Variants in KCNK9 observed in about 807,000 individuals in gnomAD.
The protein encoded by KCNK9 is potassium two pore domain channel subfamily K member 9.
In KCNK9, 1 loss-of-function variant was observed where a neutral mutation model predicts 10.8. That is an observed-to-expected ratio of 0.09 (90% CI 0.03 to 0.44). The LOEUF is 0.44. Ranked by LOEUF, KCNK9 falls within the 20% of genes least tolerant of loss-of-function variation. KCNK9 has a pLI of 0.97. For missense variants in KCNK9, 303 were observed against 515.0 expected (o/e 0.59, Z 3.98); for synonymous variants, 231 against 222.7 (o/e 1.04, Z -0.33).
intron 1 of KCNK9, among the ~76,000 whole-genome samples, chr8:139,697,746 G>A (rs1035661531): frequency 5.3e-5 from 8 of 152,070 alleles, no homozygotes; most frequent in South Asian, 2.1e-4. Context: ...GGGTGTCTCC[G>A]CATTCCGAGG....
At chr8:139,666,205 C>T (rs557060444) in intron 1 of KCNK9, among the ~76,000 whole-genome samples, 16 of 152,300 alleles carry the variant, frequency 1.1e-4, no homozygotes, top group Admixed American at 8.5e-4. Flanking sequence ...CAAAGCCTGG[C>T]TTTCCAGTGC....
chr8:139,649,976 A>G (rs1238282194), intron 1 of KCNK9, among the ~76,000 whole-genome samples: 2 of 152,212 alleles, frequency 1.3e-5, no homozygotes, highest in African/African-American at 4.8e-5. Flanking sequence ...CTTCTGTGTC[A>G]TCTCCCTGAA....
chr8:139,619,143 G>T, intron 1 of KCNK9, 44 bp from the exon 2 acceptor site: 1 of 1,609,886 alleles, frequency 6.2e-7, no homozygotes, highest in Non-Finnish European at 8.5e-7. Flanking sequence ...AAGTGAGGAG[G>T]GGTCTAGAGG....
intron 1 of KCNK9, among the ~76,000 whole-genome samples, chr8:139,692,122 A>G (rs1236936458): frequency 3.3e-5 from 5 of 152,188 alleles, no homozygotes; most frequent in African/African-American, 1.2e-4. Context: ...CCAAGCTAAG[A>G]TGACTGAGCA....
Position 139,604,832 on chromosome 8 carries a change from G to A in KCNK9, c.*1-3231C>T, listed in dbSNP as rs983865714. On this transcript the variant is annotated intron_variant, in intron 2 of 2. Transcript: ENST00000650269. ...CAGGGAAAGAGGAGGCATGGCCTCC[G>A]AGAAAGACAGAAAACAGCCTGGCTT... Among the ~76,000 whole-genome samples, 10 of 152,186 alleles carry A rather than the reference G, an allele frequency of 6.6e-5. No homozygotes were observed. In the East Asian group the frequency reaches 1.5e-3, roughly 23 times the overall value.
At chr8:139,633,118 T>C (rs1815226743) in intron 1 of KCNK9, among the ~76,000 whole-genome samples, 1 of 151,636 alleles carries the variant, frequency 6.6e-6, no homozygotes, top group South Asian at 2.1e-4. Flanking sequence ...TAGACACAGG[T>C]ACATACACAC....
intron 1 of KCNK9, among the ~76,000 whole-genome samples, chr8:139,671,894 C>T (rs555817110): frequency 6.6e-6 from 1 of 152,216 alleles, no homozygotes; most frequent in Non-Finnish European, 1.5e-5. Flanking sequence ...ATTCAAGGCT[C>T]CCCTGAGCGT....
chr8:139,689,156 T>C (rs945057531), intron 1 of KCNK9, among the ~76,000 whole-genome samples: 3 of 152,194 alleles, frequency 2.0e-5, no homozygotes, highest in Non-Finnish European at 2.9e-5. Flanking sequence ...ATCAACCTGC[T>C]GACACCTTGA....
chr8:139,687,413 TATATGTGTATACATATATATTC>T (rs1816820972), intron 1 of KCNK9, among the ~76,000 whole-genome samples: 1 of 140,996 alleles, frequency 7.1e-6, no homozygotes, highest in Admixed American at 7.1e-5. Context: ...TATATATTCA[TATATGTGTATACATATATATTC>T]ATATATATGT....
At position 139,619,181 on chromosome 8, in the gene KCNK9, C is replaced by T; in HGVS notation, c.284-82G>A. The stretch of plus-strand genomic sequence containing the variant: ...GGGGGAAGGGAGGGTCGACTTGGTG[C>T]AGTGCAGTGCAATGCAGAGGGACCT... On this transcript the variant is annotated intron_variant, in intron 1 of 1. Transcript: ENST00000520439. 2.0e-6 allele frequency: 3 copies of T among 1,490,782 alleles called. 1 individual carries two copies. In the South Asian group the frequency reaches 3.5e-5, roughly 17 times the overall value. The allele number at this position is 1,490,782 out of a possible 1,614,324, so 92.3% of individuals were successfully genotyped here.
intron 1 of KCNK9, among the ~76,000 whole-genome samples, chr8:139,656,739 G>C (rs1292066152): frequency 1.3e-5 from 2 of 152,182 alleles, no homozygotes; most frequent in Non-Finnish European, 2.9e-5. Flanking sequence ...GTTTCTCCTA[G>C]TTTCCATGCA....
chr8:139,699,047 T>C (rs1471783511), intron 1 of KCNK9, among the ~76,000 whole-genome samples: 2 of 152,168 alleles, frequency 1.3e-5, no homozygotes, highest in African/African-American at 4.8e-5. Context: ...TCCTGCAAAC[T>C]GTAGCAAGAA....
chr8:139,670,075 T>A (rs1816392695), intron 1 of KCNK9, among the ~76,000 whole-genome samples: 1 of 152,242 alleles, frequency 6.6e-6, no homozygotes, highest in Non-Finnish European at 1.5e-5. Context: ...TAAGCCATGA[T>A]GTAAACAGGC....
chr8:139,641,634 C>G (rs1004802523), intron 1 of KCNK9, among the ~76,000 whole-genome samples: 10 of 55,238 alleles, frequency 1.8e-4, no homozygotes, highest in African/African-American at 4.4e-4. Flanking sequence ...TGGCCTGCCC[C>G]CCCCCCGCAC....
intron 1 of KCNK9, among the ~76,000 whole-genome samples, chr8:139,662,224 A>G (rs1417183231): frequency 6.6e-6 from 1 of 152,152 alleles, no homozygotes; most frequent in African/African-American, 2.4e-5. Flanking sequence ...CAGAGATGGC[A>G]GGAGCAGGCT....
intron 1 of KCNK9, among the ~76,000 whole-genome samples, chr8:139,685,092 T>C (rs1816761922): frequency 7.4e-6 from 1 of 135,090 alleles, no homozygotes. Context: ...TAGGTTTGTG[T>C]AGAACTTTAT....
In KCNK9 at chr8:139,621,882, T is replaced by C. The variant is rs556523456; in HGVS notation, c.284-2783A>G. On this transcript the variant is annotated intron_variant, in intron 1 of 1. Coordinates refer to ENST00000520439, the MANE Select transcript of KCNK9 (RefSeq NM_001282534.2). ...ACAGGAGGTTGTTGGAAACTTCTTA[T>C]TAAGTGGTAATGTTCCACATGTGAT... 8.6e-5 allele frequency among the ~76,000 whole-genome samples: 13 copies of C among 151,652 alleles called. No individual in the cohort carries two copies. The East Asian group carries it at 2.3e-3, about 27-fold the overall frequency.
rs552506326 is a variant in KCNK9 at position 139,651,740 on chromosome 8, T to G, written c.284-32641A>C. ...TTAAAATAAATATTTGTTGAAATTC[T>G]CATGTGTTGGAGAATAGGAGGAATC... On this transcript the variant is annotated intron_variant, in intron 1 of 1. Transcript: ENST00000520439. Among the ~76,000 whole-genome samples, 12 of 152,326 alleles carry G rather than the reference T, an allele frequency of 7.9e-5. No homozygotes were observed. In the East Asian group the frequency reaches 2.1e-3, roughly 27 times the overall value.
intron 1 of KCNK9, among the ~76,000 whole-genome samples, chr8:139,631,133 C>T (rs954476184): frequency 2.0e-5 from 3 of 152,260 alleles, no homozygotes; most frequent in African/African-American, 7.2e-5. Context: ...GCGTCCAGAA[C>T]GCAGGAATCA....
Sources: gnomAD v4.1 joint callset for allele counts (sites outside exome capture counted in the v4.1 genomes callset) on GRCh38, gnomAD v4.1.1 for gene constraint, MANE v1.5 for transcripts, NCBI Gene and HGNC (gene_info 2026-07-23, HGNC 2026-07-21) for gene names.